The following MTHFD2L variants were observed in gnomAD, a reference collection of about 807,000 sequenced individuals.
The protein encoded by MTHFD2L is bifunctional methylenetetrahydrofolate dehydrogenase/cyclohydrolase 2, mitochondrial.
MTHFD2L carries 29 observed loss-of-function variants against 34.9 expected under a neutral mutation model. The observed-to-expected ratio is 0.83, with a 90% CI of 0.62 to 1.13. The LOEUF is 1.13. MTHFD2L is among the 50% of genes most tolerant of loss of function. The pLI, the probability that MTHFD2L is intolerant of heterozygous loss-of-function variation, is 0.00. For synonymous variants in MTHFD2L, 167 were observed against 155.7 expected (o/e 1.07, Z -0.54); for missense variants, 481 against 446.5 (o/e 1.08, Z -0.70).
chr4:74,282,187 G>A (rs1004001293), intron 7 of MTHFD2L, among the ~76,000 whole-genome samples: 2 of 152,016 alleles, frequency 1.3e-5, no homozygotes, highest in Admixed American at 1.3e-4. Flanking sequence ...ACTTCTAGAT[G>A]CCTGACCCTC....
At chr4:74,164,111 C>T (rs1201011445) in intron 1 of MTHFD2L, among the ~76,000 whole-genome samples, 1 of 152,066 alleles carries the variant, frequency 6.6e-6, no homozygotes, top group East Asian at 1.9e-4. Context: ...CTCCTGACTT[C>T]GTGATCCGCC....
At chr4:74,156,314 A>G (rs887913405), upstream of MTHFD2L, among the ~76,000 whole-genome samples, 7 of 152,200 alleles carry the variant, frequency 4.6e-5, no homozygotes, top group Admixed American at 4.6e-4. Context: ...ATAGAATGCC[A>G]TATAATAAAA....
intron 7 of MTHFD2L, among the ~76,000 whole-genome samples, chr4:74,286,117 A>G (rs1220996442): frequency 6.6e-6 from 1 of 152,170 alleles, no homozygotes; most frequent in East Asian, 1.9e-4. Context: ...ATTTCCAGTT[A>G]CAGAACTTGA....
intron 1 of MTHFD2L, among the ~76,000 whole-genome samples, chr4:74,132,357 G>A (rs536764972): frequency 1.3e-5 from 2 of 152,288 alleles, no homozygotes; most frequent in South Asian, 4.1e-4. Flanking sequence ...ATCAATGATA[G>A]ATTGGATAAA....
At chr4:74,207,079 C>T (rs1291838703) in intron 5 of MTHFD2L, among the ~76,000 whole-genome samples, 5 of 151,702 alleles carry the variant, frequency 3.3e-5, no homozygotes, top group East Asian at 3.9e-4. Context: ...TTGTATTTTT[C>T]GTAGAGATGG....
At chr4:74,230,795 G>C (rs1266332593) in intron 6 of MTHFD2L, among the ~76,000 whole-genome samples, 1 of 152,106 alleles carries the variant, frequency 6.6e-6, no homozygotes, top group Non-Finnish European at 1.5e-5. Context: ...TCATGTTGGA[G>C]ATCATTGGGC....
At chr4:74,186,525 G>C (rs1414897697) in intron 3 of MTHFD2L, among the ~76,000 whole-genome samples, 1 of 149,186 alleles carries the variant, frequency 6.7e-6, no homozygotes, top group Non-Finnish European at 1.5e-5. Flanking sequence ...TAGAGGAATC[G>C]ATTTTTATTC....
chr4:74,171,572 AG>A (rs948881319), intron 1 of MTHFD2L, among the ~76,000 whole-genome samples: 1 of 152,112 alleles, frequency 6.6e-6, no homozygotes, highest in African/African-American at 2.4e-5. Flanking sequence ...GGAGGCCAAG[AG>A]GGGCAGATCA....
intron 1 of MTHFD2L, among the ~76,000 whole-genome samples, chr4:74,166,005 A>G (rs1726615913): frequency 6.6e-6 from 1 of 152,218 alleles, no homozygotes; most frequent in Admixed American, 6.5e-5. Context: ...ATTGTATTCC[A>G]ATGTTTTACA....
At chr4:74,130,357 A>C (rs1722393448) in intron 1 of MTHFD2L, among the ~76,000 whole-genome samples, 1 of 152,198 alleles carries the variant, frequency 6.6e-6, no homozygotes, top group Non-Finnish European at 1.5e-5. Flanking sequence ...TGGCAAACCT[A>C]ATCCAGCAGC....
chr4:74,250,598 A>G (rs1313390813), intron 6 of MTHFD2L, among the ~76,000 whole-genome samples: 2 of 152,170 alleles, frequency 1.3e-5, no homozygotes, highest in East Asian at 1.9e-4. Context: ...TTGTTCTACT[A>G]TTTCCTGGAT....
chr4:74,201,159 G>T (rs1474832221), intron 4 of MTHFD2L, 104 bp from the exon 5 acceptor site: 2 of 738,716 alleles, frequency 2.7e-6, no homozygotes, highest in East Asian at 2.7e-5. Context: ...TAATAATTCA[G>T]ATTTAATTAG....
chr4:74,258,484 A>C (rs1480672945), intron 6 of MTHFD2L, among the ~76,000 whole-genome samples: 3 of 152,128 alleles, frequency 2.0e-5, no homozygotes, highest in African/African-American at 7.2e-5. Flanking sequence ...TTTTTTAACC[A>C]AATGAAGATT....
chr4:74,248,655 T>C (rs1190936363), intron 6 of MTHFD2L, among the ~76,000 whole-genome samples: 4 of 149,252 alleles, frequency 2.7e-5, no homozygotes, highest in Non-Finnish European at 4.5e-5. Context: ...GCTTTGAATG[T>C]GTCCCAGAGA....
chr4:74,184,806 C>G (rs1430088433), intron 3 of MTHFD2L, among the ~76,000 whole-genome samples: 1 of 152,028 alleles, frequency 6.6e-6, no homozygotes, highest in Non-Finnish European at 1.5e-5. Context: ...TCATGTCACA[C>G]AAAACATGTT....
intron 7 of MTHFD2L, among the ~76,000 whole-genome samples, chr4:74,293,898 A>G (rs536585354): frequency 3.2e-4 from 48 of 152,324 alleles, no homozygotes; most frequent in African/African-American, 1.1e-3. Flanking sequence ...TACTTCAAGC[A>G]TTTAATTTAG....
intron 6 of MTHFD2L, among the ~76,000 whole-genome samples, chr4:74,260,977 A>G (rs892379848): frequency 6.6e-6 from 1 of 150,688 alleles, no homozygotes; most frequent in Non-Finnish European, 1.5e-5. Context: ...TGCTTTAAAA[A>G]AATCTAATAA....
At chr4:74,184,269 T>C (rs1578385721) in intron 3 of MTHFD2L, among the ~76,000 whole-genome samples, 1 of 152,328 alleles carries the variant, frequency 6.6e-6, no homozygotes, top group Non-Finnish European at 1.5e-5. Flanking sequence ...CAACTGTATG[T>C]TGCTTACATG....
intron 5 of MTHFD2L, among the ~76,000 whole-genome samples, chr4:74,206,600 G>T (rs1426614905): frequency 6.7e-6 from 1 of 149,544 alleles, no homozygotes; most frequent in South Asian, 2.1e-4. Flanking sequence ...CCAAGAGAAA[G>T]AAAAAAAAAG....
Sources: allele counts gnomAD v4.1 joint callset (sites outside exome capture counted in the v4.1 genomes callset), GRCh38; gene constraint gnomAD v4.1.1; transcripts MANE v1.5; gene names NCBI Gene and HGNC (gene_info 2026-07-23, HGNC 2026-07-21).